CHD9: variants seen among roughly 807,000 people sequenced by gnomAD.
CHD9 encodes chromodomain helicase DNA binding protein 9, also known as ATP-dependent chromatin remodeler CHD9.
Under a neutral mutation model 316.1 loss-of-function variants are expected in CHD9, and 77 were observed. The ratio of observed to expected loss-of-function variants is 0.24; its 90% CI spans 0.20 to 0.29. CHD9 has a LOEUF of 0.29. Among genes scored for constraint, CHD9 ranks in the 10% least tolerant of loss-of-function variants. The pLI is 1.00. For synonymous variants in CHD9, 1,129 were observed against 1,158.3 expected (o/e 0.97, Z 0.51); for missense variants, 2,763 against 3,438.1 (o/e 0.80, Z 4.91).
chr16:53,227,935 A>G (rs2047794856), intron 7 of CHD9, among the ~76,000 whole-genome samples: 1 of 151,920 alleles, frequency 6.6e-6, no homozygotes, highest in African/African-American at 2.4e-5. Context: ...AATACAAAAA[A>G]ATTAGCTTGG....
At chr16:53,090,169 G>T (rs913813189) in intron 1 of CHD9, among the ~76,000 whole-genome samples, 4 of 152,170 alleles carry the variant, frequency 2.6e-5, no homozygotes, top group Admixed American at 1.3e-4. Flanking sequence ...CTGCCTCCAG[G>T]TTCTGAACAC....
intron 10 of CHD9, among the ~76,000 whole-genome samples, chr16:53,232,498 A>AG (rs138736554): frequency 3.4e-4 from 52 of 152,298 alleles, no homozygotes; most frequent in African/African-American, 1.2e-3. Context: ...TGATGACAAC[A>AG]GGGCTAGTCT....
rs58622741 is a variant in CHD9, at chr16:53,146,437, A to AT, written c.-164-9489_-164-9488insT. ...TGTGTATGTATATATATATATATAT[A>AT]ATTAAAAAGTTCCAGAGATTGGTGC... On this transcript the variant is annotated intron_variant, in intron 1 of 38. Transcript: ENST00000447540. 2.8e-3 allele frequency among the ~76,000 whole-genome samples: 367 copies of AT among 129,364 alleles called. 13 individuals carry two copies. Among genetic ancestry groups the AT allele is most frequent in the African/African-American group, 0.01 (328 of 31,918 alleles). 84.9% of individuals were successfully genotyped at this position (129,364 alleles called of 152,430 possible).
intron 30 of CHD9, among the ~76,000 whole-genome samples, chr16:53,303,501 T>C (rs1369153305): frequency 1.3e-5 from 2 of 152,140 alleles, no homozygotes; most frequent in Non-Finnish European, 2.9e-5. Flanking sequence ...TTTTAAAACT[T>C]TCTCCTTTTT....
intron 2 of CHD9, among the ~76,000 whole-genome samples, chr16:53,192,523 A>G (rs571941988): frequency 1.3e-5 from 2 of 152,314 alleles, no homozygotes; most frequent in South Asian, 4.1e-4. Context: ...AGTAATATTC[A>G]TCTTTTGTGT....
rs369547327 is a variant in CHD9, at chr16:53,306,279, C to A, written c.6662C>A (p.Ala2221Glu). 3 of 1,594,958 alleles carry A rather than the reference C, an allele frequency of 1.9e-6. No homozygotes were observed. In the East Asian group the frequency reaches 6.8e-5, roughly 36 times the overall value. The change falls in exon 32 of 39, where the codon GCG becomes GAG. Residue 2221 changes from alanine (A) to glutamate (E), a missense_variant. Physicochemically the swap from Ala to Glu is moderately radical, Grantham distance 107. This residue lies in a region of CHD9 where 663 missense variants were observed against 751.2 expected (regional missense o/e 0.88). Transcript: ENST00000447540. ...AAAGCCTATGATGAAGAAAGCGTCG[C>A]GTCACTGAGCACTACCCAGGATGAG... ...HMKAYDEESV[A>E]SLSTTQDETQ...
At chr16:53,282,268 A>G (rs1429676013) in intron 24 of CHD9, among the ~76,000 whole-genome samples, 1 of 152,150 alleles carries the variant, frequency 6.6e-6, no homozygotes, top group African/African-American at 2.4e-5. Flanking sequence ...ATATCTTCAA[A>G]CTACCATATT....
rs756347049 is a variant in CHD9, at chr16:53,308,824, G to A, written c.7192G>A (p.Val2398Ile). Residue 2398 changes from valine to isoleucine, a missense_variant, in exon 34 of 39, where the codon GTC (valine) becomes ATC (isoleucine). Around this residue, in one of 15 missense-constraint regions of CHD9, gnomAD observed 663 missense variants for 751.2 expected, o/e 0.88. Coordinates refer to ENST00000447540, the MANE Select transcript of CHD9 (RefSeq NM_001308319.2). Reference sequence around the variant, plus strand: ...TCAAAGTGCATCAGAGACCAGCCTCGTCAATTTCCCAAAATCCATACCAGT... The same window carrying A: ...TCAAAGTGCATCAGAGACCAGCCTCATCAATTTCCCAAAATCCATACCAGT... ...ELQSASETSL[V>I]NFPKSIPVSG... is the part of the protein sequence containing the mutation. 83 of 1,613,360 alleles carry A rather than the reference G, an allele frequency of 5.1e-5. No individual in the cohort carries two copies. The highest frequency in any genetic ancestry group is 6.7e-5 in the African/African-American group (5 of 74,880).
chr16:53,099,241 T>G (rs1483368841), intron 1 of CHD9: 1 of 152,282 alleles, frequency 6.6e-6, no homozygotes, highest in East Asian at 1.9e-4. Context: ...AGGAGGCCCC[T>G]GCCGTGTGGA....
chr16:53,129,392 G>T (rs2039113337), intron 1 of CHD9, among the ~76,000 whole-genome samples: 1 of 152,244 alleles, frequency 6.6e-6, no homozygotes. Flanking sequence ...GGTCTAATAT[G>T]TGGTTGTTAT....
chr16:53,309,357 A>G (rs1316527299), intron 34 of CHD9, among the ~76,000 whole-genome samples: 2 of 152,168 alleles, frequency 1.3e-5, no homozygotes, highest in African/African-American at 4.8e-5. Flanking sequence ...AAATTCCTCT[A>G]TTTAGAAGTA....
chr16:53,261,095 C>A (rs200408200), intron 19 of CHD9, among the ~76,000 whole-genome samples: 306 of 122,738 alleles, frequency 2.5e-3, no homozygotes, highest in Admixed American at 2.9e-3. Context: ...TTAGAGAAAG[C>A]AAAAAAAAAA....
intron 1 of CHD9, among the ~76,000 whole-genome samples, chr16:53,100,592 G>A (rs995704373): frequency 4.0e-5 from 6 of 151,852 alleles, no homozygotes; most frequent in African/African-American, 1.5e-4. Flanking sequence ...CCAAGTAGTT[G>A]GGACTACAGG....
At position 53,157,173 on chromosome 16, in the gene CHD9, C is replaced by T; in HGVS notation, c.1084C>T (p.Pro362Ser). The change falls in exon 2 of 39, where the codon CCA becomes TCA. Residue 362 changes from proline (P) to serine (S), a missense_variant. By Grantham distance (74) the Pro-to-Ser change is moderately conservative. Transcript: ENST00000447540. Reference sequence around the variant, plus strand: ...ATTATCTCCTGTGCACATGAACTTCCCAGATCCTGTTGACTCAGGAACTCA... The same window carrying T: ...ATTATCTCCTGTGCACATGAACTTCTCAGATCCTGTTGACTCAGGAACTCA... ...SKLSPVHMNF[P>S]DPVDSGTQMG... The T allele has an allele frequency of 6.2e-7, 1 of 1,609,058 alleles. No individual in the cohort carries two copies. Among genetic ancestry groups the T allele is most frequent in the Non-Finnish European group, 8.5e-7 (1 of 1,177,244 alleles).
At position 53,286,362 on chromosome 16, in the gene CHD9, C is replaced by G; in HGVS notation, c.5189+19C>G. On this transcript the variant is annotated intron_variant, in intron 26 of 38. Transcript: ENST00000447540. ...TGGATGGGTATGTGTGTTTCAGAGTCATGAATTTTCTATATATCTCTCTTC... is the reference window on the plus strand; with the variant it reads ...TGGATGGGTATGTGTGTTTCAGAGTGATGAATTTTCTATATATCTCTCTTC... 1.5e-6 allele frequency: 2 copies of G among 1,314,422 alleles called. No individual in the cohort carries two copies. The highest frequency in any genetic ancestry group is 2.2e-6 in the Non-Finnish European group (2 of 910,046). 81.4% of individuals were successfully genotyped at this position (1,314,422 alleles called of 1,614,324 possible).
At chr16:53,301,857 C>T (rs959295377) in intron 30 of CHD9, among the ~76,000 whole-genome samples, 4 of 151,334 alleles carry the variant, frequency 2.6e-5, no homozygotes, top group Admixed American at 1.3e-4. Context: ...GCTCCGCCCC[C>T]GGGTTCATGC....
In CHD9 at chr16:53,314,475, G is replaced by A; in HGVS notation, c.7321G>A (p.Val2441Ile). 6.3e-7 allele frequency: 1 copy of A among 1,581,898 alleles called. No homozygotes were observed. The highest frequency in any genetic ancestry group is 8.6e-7 in the Non-Finnish European group (1 of 1,162,572). The change falls in exon 35 of 39, where the codon GTT becomes ATT. Residue 2441 changes from valine to isoleucine, a missense_variant. Val to Ile is a conservative substitution (Grantham distance 29). Coordinates refer to ENST00000447540, the MANE Select transcript of CHD9 (RefSeq NM_001308319.2). ...AGGAAGGAGGAAGAATGTAGAAGGT[G>A]TTGACATCTTCTTTTTTAACAGAAA... Reference protein sequence around the residue: ...RRGRRKNVEGVDIFFFNRNKP... With the variant: ...RRGRRKNVEGIDIFFFNRNKP...
At chr16:53,272,237 T>C (rs1400447495) in intron 22 of CHD9, among the ~76,000 whole-genome samples, 1 of 138,492 alleles carries the variant, frequency 7.2e-6, no homozygotes, top group Non-Finnish European at 1.6e-5. Context: ...AAGGTATCAA[T>C]TGGAATAAAA....
rs886888166 is a variant in CHD9, at chr16:53,235,277, C to T, written c.2604C>T (p.Leu868=). 3.9e-6 allele frequency: 6 copies of T among 1,548,448 alleles called. No homozygotes were observed. Among genetic ancestry groups the T allele is most frequent in the Non-Finnish European group, 5.2e-6 (6 of 1,144,158 alleles). ...TCAGGGAATATCAACTGGAAGGACT[C>T]AACTGGCTCTTGTTCAATTGGTACA... The part of the protein sequence containing the change: ...NQLREYQLEG[L]NWLLFNWYNR... Residue 868 remains leucine (L), a synonymous_variant, in exon 11 of 39, where the codon CTC becomes CTT. Transcript: ENST00000447540.
Sources: gnomAD v4.1 joint callset for allele counts (sites outside exome capture counted in the v4.1 genomes callset) on GRCh38, gnomAD v4.1.1 for gene constraint, gnomAD v4.1.1 regional missense constraint, MANE v1.5 for transcripts, NCBI Gene and HGNC (gene_info 2026-07-23, HGNC 2026-07-21) for gene names.